VBP1: variants seen among roughly 807,000 people sequenced by gnomAD.
VBP1 encodes the protein prefoldin subunit 3.
A neutral mutation model predicts 15.5 loss-of-function variants in VBP1; 4 were observed. The observed-to-expected ratio is 0.26, with a 90% CI of 0.13 to 0.59. VBP1 has a LOEUF of 0.59. VBP1 is among the 20% of genes least tolerant of loss of function. The probability of loss-of-function intolerance (pLI) is 0.90; values close to 1 mark genes in which losing one functional copy is unlikely to be tolerated. For missense variants in VBP1, 108 were observed against 139.6 expected (o/e 0.77, Z 1.14); for synonymous variants, 61 against 52.1 (o/e 1.17, Z -0.74).
In VBP1 at chrX:155,236,264, T is replaced by C. The variant is rs141113239; in HGVS notation, c.420T>C (p.Ala140=). Residue 140 remains alanine (A), a synonymous_variant, in exon 5 of 6, where the codon GCT becomes GCC. Coordinates refer to ENST00000286428, the MANE Select transcript of VBP1 (RefSeq NM_003372.7). ...TGCTTGAATATGATATTGATGAAGCTCAGGCATTGTTGGAAAAGAATTTAT... is the reference window on the plus strand; with the variant it reads ...TGCTTGAATATGATATTGATGAAGCCCAGGCATTGTTGGAAAAGAATTTAT... ...NVMLEYDIDE[A]QALLEKNLST... 1 of 1,209,127 alleles carries C rather than the reference T, an allele frequency of 8.3e-7. No homozygotes were observed. Among genetic ancestry groups the C allele is most frequent in the Non-Finnish European group, 1.1e-6 (1 of 894,563 alleles).
rs2074664603 is a variant in VBP1 at position 155,216,500 on chromosome X, C to T, written c.18C>T (p.Asp6=). Residue 6 remains aspartate (D), a synonymous_variant, in exon 1 of 6, where the codon GAC becomes GAT. Coordinates refer to ENST00000286428, the MANE Select transcript of VBP1 (RefSeq NM_003372.7). ...TCCCCAAGATGGCGGCCGTTAAGGACAGTTGTGGCAAAGGAGAAATGGCCA... is the reference window on the plus strand; with the variant it reads ...TCCCCAAGATGGCGGCCGTTAAGGATAGTTGTGGCAAAGGAGAAATGGCCA... MAAVK[D]SCGKGEMATG... is the part of the protein sequence containing the mutation. 2 of 1,170,253 alleles carry T rather than the reference C, an allele frequency of 1.7e-6. No individual in the cohort carries two copies. Among genetic ancestry groups the T allele is most frequent in the South Asian group, 1.9e-5 (1 of 52,877 alleles).
At chrX:155,201,118 A>T in intron 1 of VBP1, among the ~76,000 whole-genome samples, 1 of 111,249 alleles carries the variant, frequency 9.0e-6, no homozygotes, top group Admixed American at 9.5e-5. Flanking sequence ...GCAATAATCA[A>T]TAGCTTACCA....
chrX:155,211,683 G>A (rs1186725145), upstream of VBP1, among the ~76,000 whole-genome samples: 3 of 112,414 alleles, frequency 2.7e-5, no homozygotes, highest in South Asian at 1.1e-3. Flanking sequence ...TTAGGAGTTA[G>A]TCCTGAGCCA....
upstream of VBP1, among the ~76,000 whole-genome samples, chrX:155,212,621 G>A (rs782818318): frequency 8.9e-6 from 1 of 112,017 alleles, no homozygotes; most frequent in South Asian, 3.7e-4. Flanking sequence ...AGCTAGATAG[G>A]TGAAGACACT....
chrX:155,207,568 C>T (rs2074630362), intron 1 of VBP1, among the ~76,000 whole-genome samples: 1 of 112,013 alleles, frequency 8.9e-6, no homozygotes, highest in Admixed American at 9.5e-5. Context: ...CATCCCTGCA[C>T]ACTGAAGATA....
At chrX:155,208,705 C>T (rs1250707902) in intron 1 of VBP1, among the ~76,000 whole-genome samples, 4 of 111,838 alleles carry the variant, frequency 3.6e-5, no homozygotes, top group Non-Finnish European at 7.5e-5. Flanking sequence ...GATACATTTT[C>T]GTCTTTTTCT....
intron 4 of VBP1, among the ~76,000 whole-genome samples, chrX:155,232,814 C>CT (rs782145829): frequency 1.8e-5 from 2 of 112,925 alleles, no homozygotes; most frequent in Non-Finnish European, 3.7e-5. Flanking sequence ...ATGCCTGTCT[C>CT]TATCTCTTTC....
At chrX:155,211,513 C>T (rs948576766), upstream of VBP1, among the ~76,000 whole-genome samples, 8 of 112,297 alleles carry the variant, frequency 7.1e-5, no homozygotes, top group African/African-American at 9.7e-5. Flanking sequence ...TAGAGGCACT[C>T]GTCTCAGCTT....
intron 1 of VBP1, among the ~76,000 whole-genome samples, chrX:155,216,875 G>T (rs2074667514): frequency 8.9e-6 from 1 of 112,387 alleles, no homozygotes; most frequent in South Asian, 3.7e-4. Flanking sequence ...CCGGGCTGCC[G>T]CCGGTTTTCG....
intron 5 of VBP1, among the ~76,000 whole-genome samples, chrX:155,238,455 C>A (rs2074784043): frequency 8.9e-6 from 1 of 112,042 alleles, no homozygotes; most frequent in African/African-American, 3.2e-5. Context: ...GGATGAGGGA[C>A]TGTCTTTAAA....
At chrX:155,227,107 C>T (rs1334838092) in intron 2 of VBP1, 128 bp from the exon 3 acceptor site, 2 of 265,942 alleles carry the variant, frequency 7.5e-6, no homozygotes, top group African/African-American at 5.8e-5. Flanking sequence ...CTAAAAATAT[C>T]TTAAGTATTT....
chrX:155,230,525 C>T (rs1375304978), intron 4 of VBP1, among the ~76,000 whole-genome samples: 2 of 111,297 alleles, frequency 1.8e-5, no homozygotes, highest in Non-Finnish European at 3.8e-5. Flanking sequence ...AAAGTCTTTC[C>T]AGCACAGTGG....
chrX:155,230,635 T>C (rs782672755), intron 4 of VBP1, among the ~76,000 whole-genome samples: 1 of 111,372 alleles, frequency 9.0e-6, no homozygotes, highest in South Asian at 3.8e-4. Flanking sequence ...TCCAAGTTCT[T>C]TGAGTGGCTG....
chrX:155,219,044 T>C (rs2074677476), intron 1 of VBP1, among the ~76,000 whole-genome samples: 1 of 112,233 alleles, frequency 8.9e-6, no homozygotes, highest in Non-Finnish European at 1.9e-5. Flanking sequence ...TCAGCCATTA[T>C]CTCTCAGCCT....
chrX:155,230,570 T>G (rs1188115992), intron 4 of VBP1, among the ~76,000 whole-genome samples: 1 of 111,891 alleles, frequency 8.9e-6, no homozygotes, highest in Non-Finnish European at 1.9e-5. Flanking sequence ...ATCAGGTCAT[T>G]CCATTATTCT....
intron 4 of VBP1, among the ~76,000 whole-genome samples, chrX:155,235,101 A>AGTGTGTGTGT (rs781798537): frequency 2.3e-4 from 24 of 104,193 alleles, no homozygotes; most frequent in African/African-American, 8.2e-4. Context: ...CATTTCACCC[A>AGTGTGTGTGT]GTGTGTGTGT....
At chrX:155,209,077 C>T in intron 2 of VBP1, 1 of 740,861 alleles carries the variant, frequency 1.3e-6, no homozygotes, top group Admixed American at 2.8e-5. Flanking sequence ...ACATAGCCAT[C>T]TTTTGTATAC....
intron 1 of VBP1, among the ~76,000 whole-genome samples, chrX:155,217,642 T>A (rs1351474209): frequency 8.9e-6 from 1 of 112,936 alleles, no homozygotes; most frequent in East Asian, 2.7e-4. Flanking sequence ...TTTTATGAGC[T>A]GTGTCATTTA....
chrX:155,214,756 T>C, upstream of VBP1, among the ~76,000 whole-genome samples: 1 of 90,949 alleles, frequency 1.1e-5, no homozygotes, highest in Non-Finnish European at 2.1e-5. Flanking sequence ...AGGTTTTTTT[T>C]TTTTTCTTTT....
Sources: allele counts gnomAD v4.1 joint callset (sites outside exome capture counted in the v4.1 genomes callset), GRCh38; gene constraint gnomAD v4.1.1; transcripts MANE v1.5; gene names NCBI Gene and HGNC (gene_info 2026-07-23, HGNC 2026-07-21).